The following SNX30 variants were observed in gnomAD, a reference collection of about 807,000 sequenced individuals.
The protein encoded by SNX30 is sorting nexin family member 30.
In SNX30, 24 loss-of-function variants were observed where a neutral mutation model predicts 46.4. The ratio of observed to expected loss-of-function variants is 0.52; its 90% CI spans 0.37 to 0.73. SNX30 has a LOEUF of 0.73. SNX30 is among the 30% of genes least tolerant of loss of function. The pLI, the probability that SNX30 is intolerant of heterozygous loss-of-function variation, is 0.00. For synonymous variants in SNX30, 189 were observed against 211.5 expected (o/e 0.89, Z 0.92); for missense variants, 533 against 555.7 (o/e 0.96, Z 0.41).
downstream of SNX30, among the ~76,000 whole-genome samples, chr9:112,882,611 T>C (rs1841594243): frequency 6.6e-6 from 1 of 151,916 alleles, no homozygotes; most frequent in Non-Finnish European, 1.5e-5. Flanking sequence ...GGGGTAGCAG[T>C]AGAGATAAAA....
chr9:112,761,401 G>A (rs570299281), intron 1 of SNX30, among the ~76,000 whole-genome samples: 5 of 152,178 alleles, frequency 3.3e-5, no homozygotes, highest in African/African-American at 4.8e-5. Context: ...GACTTCAGGT[G>A]ATCCACCCTC....
rs1435333977 is a variant in SNX30, at chr9:112,872,440, T to C, written c.*3597T>C. On this transcript the variant is annotated 3_prime_UTR_variant, in exon 9 of 9. Coordinates refer to ENST00000374232, the MANE Select transcript of SNX30 (RefSeq NM_001012994.2). ...CGGGACAGTCATTCTTTACGTTCTC[T>C]CTTGAGCTGGTGAGAGAGGAGGAAG... The C allele has an allele frequency of 6.6e-6, 1 of 152,228 alleles. No individual in the cohort carries two copies. Among genetic ancestry groups the C allele is most frequent in the African/African-American group, 2.4e-5 (1 of 41,432 alleles). The allele number at this position is 152,228 out of a possible 1,614,324, so 9.4% of individuals were successfully genotyped here. A position where few individuals can be genotyped will look rare whatever the true frequency, so the allele number is the denominator to read the frequency against.
At chr9:112,761,906 AG>A (rs66510162) in intron 1 of SNX30, among the ~76,000 whole-genome samples, 31,807 of 152,012 alleles carry the variant, frequency 0.21, 4,131 homozygotes, top group Middle Eastern at 0.36. Flanking sequence ...GAAGATGGAG[AG>A]GTTTGAGGTC....
chr9:112,789,888 T>C (rs950164239), intron 1 of SNX30, among the ~76,000 whole-genome samples: 2 of 152,252 alleles, frequency 1.3e-5, no homozygotes, highest in Non-Finnish European at 2.9e-5. Context: ...TCTAAACAAC[T>C]TTAGTGACAA....
intron 6 of SNX30, among the ~76,000 whole-genome samples, chr9:112,848,754 G>T (rs1376916401): frequency 6.6e-6 from 1 of 152,228 alleles, no homozygotes; most frequent in Non-Finnish European, 1.5e-5. Flanking sequence ...GGCCAGGGCA[G>T]GCCCAGGCCA....
At position 112,864,350 on chromosome 9, in the gene SNX30, G is replaced by A. The variant is rs377484230; in HGVS notation, c.1205G>A (p.Arg402Gln). The change falls in exon 8 of 9, where the codon CGG (arginine) becomes CAG (glutamine). Residue 402 changes from arginine (R) to glutamine (Q), a missense_variant. By Grantham distance (43) the Arg-to-Gln change is conservative. Transcript: ENST00000374232. ...CAGAACAACAAGAGGCAGGACTTCCGGCAGCTACTCATGGGGATGGCTGAC... is the reference window on the plus strand; with the variant it reads ...CAGAACAACAAGAGGCAGGACTTCCAGCAGCTACTCATGGGGATGGCTGAC... ...RWQNNKRQDF[R>Q]QLLMGMADKN... The A allele has an allele frequency of 1.5e-5, 25 of 1,614,028 alleles. No individual in the cohort carries two copies. Among genetic ancestry groups the A allele is most frequent in the Middle Eastern group, 1.6e-4 (1 of 6,082 alleles).
At chr9:112,830,201 T>A (rs1450786875) in intron 3 of SNX30, among the ~76,000 whole-genome samples, 2 of 152,140 alleles carry the variant, frequency 1.3e-5, no homozygotes, top group African/African-American at 4.8e-5. Context: ...CTTTTGAGTA[T>A]AAACCTAAAC....
intron 1 of SNX30, among the ~76,000 whole-genome samples, chr9:112,775,840 T>C (rs1041258817): frequency 2.6e-5 from 4 of 151,558 alleles, no homozygotes; most frequent in African/African-American, 9.7e-5. Context: ...TACCACGCTT[T>C]ACACATAACC....
intron 1 of SNX30, among the ~76,000 whole-genome samples, chr9:112,781,239 A>G (rs1237662047): frequency 6.6e-6 from 1 of 152,200 alleles, no homozygotes; most frequent in East Asian, 1.9e-4. Context: ...TTGATGATGA[A>G]TGATTATTGT....
chr9:112,778,319 C>T lies in SNX30; in HGVS notation c.157-26457C>T, dbSNP rs567262736. On this transcript the variant is annotated intron_variant, in intron 1 of 8. Transcript: ENST00000374232. ...ATGGAGTCTTGCTCTGTCACCCGGG[C>T]TGGAGTACAGTGGTGCGATCCCGGC... 1.2e-4 allele frequency among the ~76,000 whole-genome samples: 16 copies of T among 138,194 alleles called. No homozygotes were observed. The East Asian group carries it at 2.4e-3, about 20-fold the overall frequency. 90.7% of individuals were successfully genotyped at this position (138,194 alleles called of 152,430 possible).
chr9:112,808,990 A>G (rs1008774204), intron 2 of SNX30, among the ~76,000 whole-genome samples: 1 of 152,232 alleles, frequency 6.6e-6, no homozygotes, highest in South Asian at 2.1e-4. Context: ...GCTCAAAGAC[A>G]TGCAACTCAT....
chr9:112,784,178 T>C (rs1839885362), intron 1 of SNX30, among the ~76,000 whole-genome samples: 1 of 152,150 alleles, frequency 6.6e-6, no homozygotes, highest in African/African-American at 2.4e-5. Context: ...ACACCTCTCA[T>C]CTGCCCTTGC....
At chr9:112,834,882 A>ACCC (rs370427731) in intron 4 of SNX30, among the ~76,000 whole-genome samples, 6 of 105,352 alleles carry the variant, frequency 5.7e-5, no homozygotes, top group African/African-American at 1.8e-4. Flanking sequence ...ACACACACAC[A>ACCC]CCTACCTCAA....
chr9:112,832,429 A>AG (rs1840673914), intron 4 of SNX30, among the ~76,000 whole-genome samples: 24 of 108,112 alleles, frequency 2.2e-4, no homozygotes, highest in Admixed American at 2.1e-3. Context: ...AATAAGTAGG[A>AG]AAGAGAGAGA....
At chr9:112,841,228 T>C (rs1411786855) in intron 6 of SNX30, among the ~76,000 whole-genome samples, 2 of 152,244 alleles carry the variant, frequency 1.3e-5, no homozygotes, top group Non-Finnish European at 2.9e-5. Context: ...CTGTTTTTTT[T>C]CCTGTGGCAA....
At chr9:112,823,704 A>G (rs1167346785) in intron 3 of SNX30, among the ~76,000 whole-genome samples, 1 of 152,250 alleles carries the variant, frequency 6.6e-6, no homozygotes, top group Non-Finnish European at 1.5e-5. Flanking sequence ...TAATGAGAAT[A>G]AATTTGTAAT....
intron 1 of SNX30, among the ~76,000 whole-genome samples, chr9:112,775,124 G>A (rs1839719786): frequency 1.3e-5 from 2 of 148,926 alleles, no homozygotes; most frequent in South Asian, 2.1e-4. Context: ...ACAGGTATGA[G>A]CCCCTGTGCC....
chr9:112,804,420 C>T (rs1840191756), intron 1 of SNX30, among the ~76,000 whole-genome samples: 1 of 152,334 alleles, frequency 6.6e-6, no homozygotes, highest in South Asian at 2.1e-4. Flanking sequence ...CTGTCTCGGC[C>T]TCCCAAAGTG....
At chr9:112,842,809 G>A (rs759982733) in intron 6 of SNX30, among the ~76,000 whole-genome samples, 4 of 152,194 alleles carry the variant, frequency 2.6e-5, no homozygotes, top group South Asian at 2.1e-4. Context: ...CAAGGCACTC[G>A]GAACAAATGG....
Sources: gnomAD v4.1 joint callset for allele counts (sites outside exome capture counted in the v4.1 genomes callset) on GRCh38, gnomAD v4.1.1 for gene constraint, MANE v1.5 for transcripts, NCBI Gene and HGNC (gene_info 2026-07-23, HGNC 2026-07-21) for gene names.